ADAMTSL1: variants seen among roughly 807,000 people sequenced by gnomAD.
ADAMTSL1 encodes ADAMTS like 1.
In ADAMTSL1, 126 loss-of-function variants were observed where a neutral mutation model predicts 201.8. The observed-to-expected ratio is 0.62, with a 90% confidence interval of 0.54 to 0.72. The LOEUF is 0.72. ADAMTSL1 is among the 30% of genes least tolerant of loss of function. The probability of loss-of-function intolerance (pLI) is 0.00; values close to 1 mark genes in which losing one functional copy is unlikely to be tolerated. For missense variants in ADAMTSL1, 2,679 were observed against 2,277.8 expected (o/e 1.18, Z -3.59); for synonymous variants, 1,121 against 903.4 (o/e 1.24, Z -4.32).
rs1479541777 is a variant in ADAMTSL1, at chr9:18,657,667, C to T, written c.863C>T (p.Thr288Ile). 1 of 1,614,204 alleles carries T rather than the reference C, an allele frequency of 6.2e-7. No homozygotes were observed. The highest frequency in any genetic ancestry group is 1.3e-5 in the African/African-American group (1 of 75,064). Residue 288 changes from threonine to isoleucine, a missense_variant, in exon 8 of 29, where the codon ACA becomes ATA. Transcript: ENST00000380548. ...KIRNSGSADSTVQFIFYQPII... is the reference protein window; with the variant it reads ...KIRNSGSADSIVQFIFYQPII... Reference sequence around the variant, plus strand: ...CGTAACTCGGGCTCCGCTGACAGTACAGTCCAGTTCATCTTCTATCAACCC... The same window carrying T: ...CGTAACTCGGGCTCCGCTGACAGTATAGTCCAGTTCATCTTCTATCAACCC...
intron 2 of ADAMTSL1, among the ~76,000 whole-genome samples, chr9:18,235,811 G>A (rs1384887640): frequency 1.3e-5 from 2 of 152,156 alleles, no homozygotes; most frequent in Non-Finnish European, 2.9e-5. Flanking sequence ...AGGCCAAGCT[G>A]AAGGTCCTGA....
At chr9:18,603,363 ATGC>A (rs1824789261) in intron 4 of ADAMTSL1, among the ~76,000 whole-genome samples, 1 of 150,540 alleles carries the variant, frequency 6.6e-6, no homozygotes, top group African/African-American at 2.4e-5. Flanking sequence ...ATGCTATGCT[ATGC>A]TATGCTATGC....
At chr9:18,769,416 C>T (rs1329690953) in intron 16 of ADAMTSL1, among the ~76,000 whole-genome samples, 5 of 152,202 alleles carry the variant, frequency 3.3e-5, no homozygotes, top group East Asian at 1.9e-4. Flanking sequence ...AAAATATCCC[C>T]ACCACAGAGT....
chr9:18,375,883 C>A (rs1837272281), intron 2 of ADAMTSL1, among the ~76,000 whole-genome samples: 1 of 152,130 alleles, frequency 6.6e-6, no homozygotes, highest in Non-Finnish European at 1.5e-5. Flanking sequence ...ATTTTACAAA[C>A]CTCTAGCTAG....
intron 1 of ADAMTSL1, among the ~76,000 whole-genome samples, chr9:18,022,238 C>T (rs1222300031): frequency 1.3e-5 from 2 of 152,106 alleles, no homozygotes; most frequent in Admixed American, 1.3e-4. Context: ...CGAATTTGAG[C>T]ACTGCCAGTA....
chr9:18,631,015 G>A (rs1036412787), intron 5 of ADAMTSL1, among the ~76,000 whole-genome samples: 17 of 152,172 alleles, frequency 1.1e-4, no homozygotes, highest in Non-Finnish European at 2.1e-4. Context: ...GTTAGCACCT[G>A]TGTAGGCAAC....
At chr9:18,657,545 C>T (rs1828770962) in intron 7 of ADAMTSL1, 94 bp from the exon 8 acceptor site, 3 of 874,394 alleles carry the variant, frequency 3.4e-6, no homozygotes, top group Non-Finnish European at 5.6e-6. Context: ...AGCCTAAAAC[C>T]ATCAGCACTA....
At chr9:18,795,310 G>A in intron 19 of ADAMTSL1, 87 bp from the exon 20 acceptor site, 1 of 1,560,072 alleles carries the variant, frequency 6.4e-7, no homozygotes, top group Non-Finnish European at 8.7e-7. Context: ...CATACACCCT[G>A]AGGTTCCTTC....
chr9:18,588,896 T>TATATAC lies in ADAMTSL1; in HGVS notation c.474+14635_474+14636insCATATA, dbSNP rs1318190694. 8.1e-4 allele frequency among the ~76,000 whole-genome samples: 92 copies of TATATAC among 113,948 alleles called. 1 individual carries two copies. Among genetic ancestry groups the TATATAC allele is most frequent in the Middle Eastern group, 4.8e-3 (1 of 208 alleles). The allele number at this position is 113,948 out of a possible 152,430, so 74.8% of individuals were successfully genotyped here. A position where few individuals can be genotyped will look rare whatever the true frequency, so the allele number is the denominator to read the frequency against. On this transcript the variant is annotated intron_variant, in intron 4 of 28. Coordinates refer to ENST00000380548, the MANE Select transcript of ADAMTSL1 (RefSeq NM_001040272.6). ...ATATATACATATACATATATATATATATATATACATATATATACACATTTT... is the reference window on the plus strand; with the variant it reads ...ATATATACATATACATATATATATATATATACATATATACATATATATACACATTTT...
chr9:18,895,761 G>A (rs1424865246), intron 26 of ADAMTSL1, among the ~76,000 whole-genome samples: 1 of 152,180 alleles, frequency 6.6e-6, no homozygotes, highest in Non-Finnish European at 1.5e-5. Context: ...CAATCACAGA[G>A]CCAGTCTACA....
intron 2 of ADAMTSL1, among the ~76,000 whole-genome samples, chr9:18,531,413 C>T (rs1173602012): frequency 1.3e-5 from 2 of 152,294 alleles, no homozygotes; most frequent in Non-Finnish European, 1.5e-5. Flanking sequence ...GAAATTCATT[C>T]GCCTTTTGTC....
At chr9:18,206,179 G>T (rs1321920289) in intron 2 of ADAMTSL1, among the ~76,000 whole-genome samples, 8 of 151,032 alleles carry the variant, frequency 5.3e-5, no homozygotes, top group African/African-American at 2.0e-4. Flanking sequence ...CATTGCAGAA[G>T]CCCAAAGTTG....
chr9:17,950,333 A>G (rs1451440803), intron 1 of ADAMTSL1, among the ~76,000 whole-genome samples: 1 of 152,136 alleles, frequency 6.6e-6, no homozygotes, highest in Non-Finnish European at 1.5e-5. Context: ...TAGAATTAAT[A>G]TAAATTACAT....
intron 1 of ADAMTSL1, among the ~76,000 whole-genome samples, chr9:18,112,221 T>C (rs1027760248): frequency 1.3e-5 from 2 of 152,114 alleles, no homozygotes; most frequent in African/African-American, 4.8e-5. Context: ...TTGTAGTAGA[T>C]GTCATTAAGG....
At chr9:18,705,238 G>A (rs1318813477) in intron 13 of ADAMTSL1, among the ~76,000 whole-genome samples, 1 of 152,198 alleles carries the variant, frequency 6.6e-6, no homozygotes, top group Non-Finnish European at 1.5e-5. Flanking sequence ...TCAAGGTTAA[G>A]GAGCCAGGTT....
At chr9:18,729,323 A>C (rs2133471354) in intron 15 of ADAMTSL1, among the ~76,000 whole-genome samples, 1 of 152,340 alleles carries the variant, frequency 6.6e-6, no homozygotes, top group Non-Finnish European at 1.5e-5. Flanking sequence ...AATTCTAATC[A>C]GAAAAATACC....
At chr9:18,591,660 T>C (rs888963048) in intron 4 of ADAMTSL1, among the ~76,000 whole-genome samples, 6 of 152,200 alleles carry the variant, frequency 3.9e-5, no homozygotes, top group Admixed American at 6.6e-5. Flanking sequence ...GCAAAAGTTA[T>C]TGTGGTTTTG....
chr9:18,176,007 C>CAAAAAAAAAAAAA (rs57982328), intron 2 of ADAMTSL1, among the ~76,000 whole-genome samples: 1 of 62,578 alleles, frequency 1.6e-5, no homozygotes, highest in Non-Finnish European at 2.9e-5. Context: ...AGAGGGAAAG[C>CAAAAAAAAAAAAA]AAAAAAAAAA....
intron 1 of ADAMTSL1, among the ~76,000 whole-genome samples, chr9:18,074,323 G>A (rs1823098457): frequency 1.3e-5 from 2 of 152,146 alleles, no homozygotes; most frequent in African/African-American, 2.4e-5. Flanking sequence ...GCCAAAAGAT[G>A]GAGTGCATAG....
Sources: gnomAD v4.1 joint callset for allele counts (sites outside exome capture counted in the v4.1 genomes callset) on GRCh38, gnomAD v4.1.1 for gene constraint, MANE v1.5 for transcripts, NCBI Gene and HGNC (gene_info 2026-07-23, HGNC 2026-07-21) for gene names.